CACNA1E: variants seen among roughly 807,000 people sequenced by gnomAD.
CACNA1E encodes the protein voltage-dependent R-type calcium channel subunit alpha-1E.
In CACNA1E, 40 loss-of-function variants were observed where a neutral mutation model predicts 259.2. That is an observed-to-expected ratio of 0.15 (90% CI 0.12 to 0.20). CACNA1E has a LOEUF of 0.20. CACNA1E is among the 10% of genes least tolerant of loss of function. CACNA1E has a pLI of 1.00. For synonymous variants in CACNA1E, 1,104 were observed against 1,138.5 expected, an observed-to-expected ratio of 0.97 and a Z score of 0.61; for missense variants, 1,874 against 3,040.1, an observed-to-expected ratio of 0.62 and a Z score of 9.02.
intron 1 of CACNA1E, among the ~76,000 whole-genome samples, chr1:181,500,955 C>G (rs191469110): frequency 6.7e-6 from 1 of 150,202 alleles, no homozygotes; most frequent in Non-Finnish European, 1.5e-5. Context: ...TTGCTGATTG[C>G]ACCTCATAGT....
chr1:181,781,289 G>T (rs1660403644), intron 38 of CACNA1E, 138 bp from the exon 39 acceptor site: 2 of 610,244 alleles, frequency 3.3e-6, no homozygotes, highest in Non-Finnish European at 5.9e-6. Context: ...TCTGTATTTT[G>T]TTCGTTTTTG....
At chr1:181,792,591 C>T (rs1182618850) in intron 44 of CACNA1E, among the ~76,000 whole-genome samples, 1 of 152,188 alleles carries the variant, frequency 6.6e-6, no homozygotes, top group Non-Finnish European at 1.5e-5. Context: ...GGAAAGTACC[C>T]CTGCCATACA....
At chr1:181,531,792 C>T (rs1042686363) in intron 3 of CACNA1E, among the ~76,000 whole-genome samples, 6 of 152,178 alleles carry the variant, frequency 3.9e-5, no homozygotes, top group African/African-American at 1.2e-4. Context: ...TGGTGGCTCA[C>T]GCCTGCAATC....
intron 2 of CACNA1E, among the ~76,000 whole-genome samples, chr1:181,437,481 T>C (rs557236663): frequency 6.6e-6 from 1 of 152,298 alleles, no homozygotes; most frequent in South Asian, 2.1e-4. Context: ...CCCCACTTTC[T>C]CATCTCCTGC....
At chr1:181,788,190 T>G (rs1284368148) in intron 43 of CACNA1E, among the ~76,000 whole-genome samples, 1 of 152,058 alleles carries the variant, frequency 6.6e-6, no homozygotes, top group Non-Finnish European at 1.5e-5. Context: ...TAGGATTTGG[T>G]GATTGATTTG....
At chr1:181,786,605 C>T (rs560854752) in intron 43 of CACNA1E, among the ~76,000 whole-genome samples, 1 of 152,286 alleles carries the variant, frequency 6.6e-6, no homozygotes, top group African/African-American at 2.4e-5. Flanking sequence ...CCCAATTAAT[C>T]TACTATAGCA....
chr1:181,411,833 C>T (rs914284536), intron 1 of CACNA1E, among the ~76,000 whole-genome samples: 36 of 152,262 alleles, frequency 2.4e-4, no homozygotes, highest in Admixed American at 1.9e-3. Flanking sequence ...TGGTCTCAAA[C>T]TCCTGACCTC....
intron 1 of CACNA1E, among the ~76,000 whole-genome samples, chr1:181,494,394 T>TA (rs1190870511): frequency 6.6e-6 from 1 of 152,146 alleles, no homozygotes; most frequent in Non-Finnish European, 1.5e-5. Flanking sequence ...TCTTTTTTTT[T>TA]ATATGAATTG....
upstream of CACNA1E, among the ~76,000 whole-genome samples, chr1:181,482,628 G>T (rs1403247795): frequency 6.6e-6 from 1 of 152,362 alleles, no homozygotes; most frequent in South Asian, 2.1e-4. Flanking sequence ...GCCTCTGCGC[G>T]CCGCTCGCTG....
At position 181,776,068 on chromosome 1, in the gene CACNA1E, C is replaced by A; in HGVS notation, c.5140-33C>A. On this transcript the variant is annotated intron_variant, in intron 37 of 47. Coordinates refer to ENST00000367573, the MANE Select transcript of CACNA1E (RefSeq NM_001205293.3). This position sits in a 1 kb window ranked among gnomAD's most constrained non-coding sequence, Gnocchi z 4.4. The stretch of plus-strand genomic sequence containing the variant: ...GCTTCCTGAGCTCTGCTTTAGGTTT[C>A]CCCTAACCCCTCTTCTTCCCCTTGC... 1 of 1,599,484 alleles carries A rather than the reference C, an allele frequency of 6.3e-7. No homozygotes were observed. Among genetic ancestry groups the A allele is most frequent in the South Asian group, 1.1e-5 (1 of 87,932 alleles).
rs577253632 is a variant in CACNA1E, at chr1:181,805,406, T to C, written c.*6572T>C. The C allele has an allele frequency of 6.6e-6, 1 of 152,318 alleles. No homozygotes were observed. Among genetic ancestry groups the C allele is most frequent in the East Asian group, 1.9e-4 (1 of 5,182 alleles). 9.4% of individuals were successfully genotyped at this position (152,318 alleles called of 1,614,324 possible). ...GCAAGAAAAACACACTCCAAAATTT[T>C]AAAGTGCCATTAATCAATTTTTAAG... On this transcript the variant is annotated 3_prime_UTR_variant, in exon 48 of 48. Coordinates refer to ENST00000367573, the MANE Select transcript of CACNA1E (RefSeq NM_001205293.3).
At chr1:181,556,574 T>G (rs749241769) in intron 3 of CACNA1E, among the ~76,000 whole-genome samples, 1 of 152,198 alleles carries the variant, frequency 6.6e-6, no homozygotes, top group Non-Finnish European at 1.5e-5. Flanking sequence ...TGATCTTTGA[T>G]TGTGCCCCTT....
At chr1:181,641,830 C>T (rs1025508011) in intron 6 of CACNA1E, among the ~76,000 whole-genome samples, 20 of 149,812 alleles carry the variant, frequency 1.3e-4, no homozygotes, top group African/African-American at 5.0e-4. Flanking sequence ...TCTTCTGCCT[C>T]AGCCTCCTGA....
rs1228407674 is a variant in CACNA1E at position 181,763,077 on chromosome 1, G to A, written c.4690-329G>A. ...TCTCTTTGAATATTAGAGGGCCAGC[G>A]TGTGCTAGAGGGGTTCCTAGATCTG... On this transcript the variant is annotated intron_variant, in intron 33 of 47. Transcript: ENST00000367573. Among the ~76,000 whole-genome samples, 6 of 152,160 alleles carry A rather than the reference G, an allele frequency of 3.9e-5. No individual in the cohort carries two copies. The East Asian group carries it at 5.8e-4, about 15-fold the overall frequency.
chr1:181,414,489 C>CTCAT (rs1033894047), intron 2 of CACNA1E, among the ~76,000 whole-genome samples: 17 of 152,316 alleles, frequency 1.1e-4, no homozygotes, highest in South Asian at 8.3e-4. Context: ...TGTTAGTTCG[C>CTCAT]TCATTCATTC....
At chr1:181,417,494 C>T (rs1182640914) in intron 2 of CACNA1E, among the ~76,000 whole-genome samples, 1 of 152,150 alleles carries the variant, frequency 6.6e-6, no homozygotes, top group Admixed American at 6.5e-5. Flanking sequence ...GGCAAGACTT[C>T]AGCCCTGCTA....
At chr1:181,770,568 C>T (rs771331216) in intron 35 of CACNA1E, among the ~76,000 whole-genome samples, 12 of 152,140 alleles carry the variant, frequency 7.9e-5, no homozygotes, top group African/African-American at 2.4e-4. Flanking sequence ...CCAGTTGGCC[C>T]GACTTTCTCC....
chr1:181,470,942 A>C (rs74599959), intron 2 of CACNA1E, among the ~76,000 whole-genome samples: 1 of 152,278 alleles, frequency 6.6e-6, no homozygotes, highest in Non-Finnish European at 1.5e-5. Flanking sequence ...AATACTCTAG[A>C]ACGGGTAATT....
chr1:181,732,514 C>T lies in CACNA1E; in HGVS notation c.2428C>T (p.Pro810Ser), dbSNP rs745482696. The T allele has an allele frequency of 2.6e-6, 4 of 1,551,412 alleles. No homozygotes were observed. In the East Asian group the frequency reaches 9.8e-5, roughly 38 times the overall value. ...GGCGCCGACCATGAACCCGCTCAAC[C>T]CCCTCAACCCGCTCAGCTCCCTCAA... ...EEAPTMNPLN[P>S]LNPLSSLNPL... Residue 810 changes from proline (P) to serine (S), a missense_variant, in exon 20 of 48, where the codon CCC becomes TCC. Physicochemically the swap from Pro to Ser is moderately conservative, Grantham distance 74. Transcript: ENST00000367573. The surrounding 1 kb of genome is among the most constrained non-coding windows in gnomAD (Gnocchi z 5.5).
Sources: allele counts gnomAD v4.1 joint callset (sites outside exome capture counted in the v4.1 genomes callset), GRCh38; gene constraint gnomAD v4.1.1; non-coding constraint Gnocchi (gnomAD v3.1); transcripts MANE v1.5; gene names NCBI Gene and HGNC (gene_info 2026-07-23, HGNC 2026-07-21).